SDK2: variants seen among roughly 807,000 people sequenced by gnomAD.
SDK2 encodes sidekick cell adhesion molecule 2.
In SDK2, 105 loss-of-function variants were observed where a neutral mutation model predicts 253.9. That is an observed-to-expected ratio of 0.41 (90% CI 0.35 to 0.49). SDK2 has a LOEUF of 0.49. SDK2 is among the 20% of genes least tolerant of loss of function. The pLI is 0.06. For missense variants in SDK2, 2,608 were observed against 3,003.0 expected, an observed-to-expected ratio of 0.87 and a Z score of 3.07; for synonymous variants, 1,249 against 1,234.9, an observed-to-expected ratio of 1.01 and a Z score of -0.24.
intron 1 of SDK2, among the ~76,000 whole-genome samples, chr17:73,552,449 C>T (rs1467285616): frequency 1.3e-5 from 2 of 152,198 alleles, no homozygotes; most frequent in Non-Finnish European, 2.9e-5. Flanking sequence ...CGCATTGAAA[C>T]TGGAGTGGCG....
At chr17:73,579,555 T>A (rs2045504026) in intron 1 of SDK2, among the ~76,000 whole-genome samples, 1 of 152,098 alleles carries the variant, frequency 6.6e-6, no homozygotes, top group African/African-American at 2.4e-5. Context: ...AGAATCCAGA[T>A]GTTGAAGTCC....
intron 24 of SDK2, among the ~76,000 whole-genome samples, chr17:73,396,956 C>T (rs1348115842): frequency 1.3e-5 from 2 of 152,244 alleles, no homozygotes; most frequent in African/African-American, 2.4e-5. Flanking sequence ...TCATATTTAT[C>T]GAGGACTGAC....
chr17:73,626,690 T>G (rs1858029), intron 1 of SDK2, among the ~76,000 whole-genome samples: 53,895 of 152,036 alleles, frequency 0.35, 9,770 homozygotes, highest in African/African-American at 0.43. Context: ...AGGAAGGAAT[T>G]CTGGGATGGA....
intron 1 of SDK2, chr17:73,518,939 C>T (rs1599642714): frequency 1.3e-5 from 2 of 152,306 alleles, no homozygotes; most frequent in East Asian, 3.9e-4. Flanking sequence ...TCATGAGACT[C>T]AGCTCTGCCT....
intron 1 of SDK2, among the ~76,000 whole-genome samples, chr17:73,597,191 C>T (rs901070790): frequency 6.6e-6 from 1 of 152,168 alleles, no homozygotes; most frequent in Admixed American, 6.5e-5. Flanking sequence ...TCCTTCACCT[C>T]ACCGGGGCCT....
chr17:73,631,974 G>A (rs1269807528), intron 1 of SDK2, among the ~76,000 whole-genome samples: 4 of 152,174 alleles, frequency 2.6e-5, no homozygotes, highest in African/African-American at 9.7e-5. Context: ...AGGTGGGAGG[G>A]TCCAAGACAG....
chr17:73,384,602 G>A (rs2062857367), intron 32 of SDK2, among the ~76,000 whole-genome samples: 1 of 152,154 alleles, frequency 6.6e-6, no homozygotes, highest in African/African-American at 2.4e-5. Context: ...TAATGATACT[G>A]CTTATGAAGA....
At chr17:73,391,748 G>C (rs1229428113) in intron 27 of SDK2, among the ~76,000 whole-genome samples, 1 of 152,222 alleles carries the variant, frequency 6.6e-6, no homozygotes, top group Non-Finnish European at 1.5e-5. Context: ...CCTCAAAATA[G>C]GCATCATTTG....
At chr17:73,359,115 C>G (rs1174963121) in intron 39 of SDK2, among the ~76,000 whole-genome samples, 4 of 152,094 alleles carry the variant, frequency 2.6e-5, no homozygotes, top group Non-Finnish European at 4.4e-5. Context: ...GAGCTGGGTA[C>G]ACAGTAGGTG....
In SDK2 at chr17:73,612,233, G is replaced by A. The variant is rs965344630; in HGVS notation, c.64+31792C>T. Among the ~76,000 whole-genome samples the A allele has an allele frequency of 7.2e-5, 11 of 152,138 alleles. No individual in the cohort carries two copies. Among genetic ancestry groups the A allele is most frequent in the Non-Finnish European group, 1.0e-4 (7 of 68,016 alleles). On this transcript the variant is annotated intron_variant, in intron 1 of 44. Coordinates refer to ENST00000392650, the MANE Select transcript of SDK2 (RefSeq NM_001144952.2). The surrounding 1 kb of genome is among the most constrained non-coding windows in gnomAD (Gnocchi z 4.4). ...CCCAGCTGCACCCGGGCTGCAGGCC[G>A]GCCCCCCACGGTCCCCCACCCTCAC...
intron 17 of SDK2, among the ~76,000 whole-genome samples, chr17:73,414,986 A>C (rs893888709): frequency 6.6e-6 from 1 of 152,196 alleles, no homozygotes; most frequent in African/African-American, 2.4e-5. Context: ...GTACTGGTAA[A>C]TAAGAGGGGT....
chr17:73,503,151 T>C (rs1463857051), intron 2 of SDK2, among the ~76,000 whole-genome samples: 14 of 152,174 alleles, frequency 9.2e-5, no homozygotes, highest in Non-Finnish European at 1.8e-4. Flanking sequence ...TTAAGGTGTA[T>C]CAAGACTCAT....
At chr17:73,585,821 G>A (rs1175281631) in intron 1 of SDK2, among the ~76,000 whole-genome samples, 2 of 152,170 alleles carry the variant, frequency 1.3e-5, no homozygotes, top group African/African-American at 2.4e-5. Context: ...CACTTCCTGT[G>A]TGACCCTGGG....
intron 1 of SDK2, among the ~76,000 whole-genome samples, chr17:73,539,015 A>G (rs1360392493): frequency 6.6e-6 from 1 of 152,152 alleles, no homozygotes; most frequent in Non-Finnish European, 1.5e-5. Context: ...TGTAGAACAT[A>G]GTGAGCCTCC....
At chr17:73,598,833 G>A (rs140287665) in intron 1 of SDK2, among the ~76,000 whole-genome samples, 18 of 152,336 alleles carry the variant, frequency 1.2e-4, no homozygotes, top group African/African-American at 3.8e-4. Context: ...CTGTGAGCTC[G>A]AAGGCCTCGT....
At chr17:73,366,949 C>A (rs2062690244) in intron 37 of SDK2, among the ~76,000 whole-genome samples, 1 of 152,156 alleles carries the variant, frequency 6.6e-6, no homozygotes, top group African/African-American at 2.4e-5. Context: ...TAAATGTAAA[C>A]CAGACCCTGT....
At chr17:73,625,961 C>G (rs1471121806) in intron 1 of SDK2, among the ~76,000 whole-genome samples, 1 of 152,160 alleles carries the variant, frequency 6.6e-6, no homozygotes, top group African/African-American at 2.4e-5. Context: ...TCATTTTGCA[C>G]CGGATCCTGC....
In SDK2 at chr17:73,419,288, C is replaced by T. The variant is rs1285252701; in HGVS notation, c.2064G>A (p.Glu688=). The change falls in exon 16 of 45, where the codon GAG becomes GAA. Residue 688 remains glutamate, a synonymous_variant. Coordinates refer to ENST00000392650, the MANE Select transcript of SDK2 (RefSeq NM_001144952.2). ...CGTTCTGTGGAGGGGCCGTGGGGGG[C>T]TCCTCGGGGAGGGAGACCCTGGATC... The part of the protein sequence containing the change: ...KDTERVSLPE[E]PPTAPPQNVI... The T allele has an allele frequency of 1.2e-6, 2 of 1,612,694 alleles. No homozygotes were observed. Among genetic ancestry groups the T allele is most frequent in the East Asian group, 2.2e-5 (1 of 44,856 alleles).
In SDK2 at chr17:73,643,917, TA is replaced by T; in HGVS notation, c.64+107del. The T allele has an allele frequency of 1.0e-6, 1 of 999,414 alleles. No homozygotes were observed. Among genetic ancestry groups the T allele is most frequent in the Non-Finnish European group, 1.5e-6 (1 of 661,098 alleles). The allele number at this position is 999,414 out of a possible 1,614,324, so 61.9% of individuals were successfully genotyped here. Reference sequence around the variant, plus strand: ...TCCCTGGAGAGGGCTCTGCCACGGCTAAGCCGGGTGTCCAGGAGGTCACCGT... The same window carrying T: ...TCCCTGGAGAGGGCTCTGCCACGGCTAGCCGGGTGTCCAGGAGGTCACCGT... On this transcript the variant is annotated intron_variant, in intron 1 of 44. Transcript: ENST00000392650. The surrounding 1 kb of genome is among the most constrained non-coding windows in gnomAD (Gnocchi z 6.9).
Sources: allele counts gnomAD v4.1 joint callset (sites outside exome capture counted in the v4.1 genomes callset), GRCh38; gene constraint gnomAD v4.1.1; non-coding constraint Gnocchi (gnomAD v3.1); transcripts MANE v1.5; gene names NCBI Gene and HGNC (gene_info 2026-07-23, HGNC 2026-07-21).